The following LRP1B variants were observed in gnomAD, a reference collection of about 807,000 sequenced individuals.
LRP1B encodes the protein low-density lipoprotein receptor-related protein 1B.
In LRP1B, 217 loss-of-function variants were observed where a neutral mutation model predicts 556.6. The ratio of observed to expected loss-of-function variants is 0.39; its 90% CI spans 0.35 to 0.44. The LOEUF is 0.44. LRP1B is among the 20% of genes least tolerant of loss of function. The pLI is 1.00. For missense variants in LRP1B, 5,053 were observed against 5,620.8 expected, an observed-to-expected ratio of 0.90 and a Z score of 3.23; for synonymous variants, 2,047 against 1,865.8, an observed-to-expected ratio of 1.10 and a Z score of -2.50.
intron 31 of LRP1B, among the ~76,000 whole-genome samples, chr2:140,818,936 C>CAAAAA (rs543167243): frequency 5.8e-5 from 6 of 102,934 alleles, no homozygotes; most frequent in African/African-American, 2.6e-4. Flanking sequence ...GACTCTGTCT[C>CAAAAA]AAAAAAAAAA....
Position 140,475,144 on chromosome 2 carries a change from G to A in LRP1B, c.9619C>T (p.His3207Tyr), listed in dbSNP as rs1318314195. Reference protein sequence around the residue: ...EFSNMDGSHRHKVPNQDIPGV... With the variant: ...EFSNMDGSHRYKVPNQDIPGV... ...TTTATGTTACTGGACCAACCTTTGT[G>A]TCTATGAGATCCATCCATGTTGCTA... Residue 3207 changes from histidine to tyrosine, a missense_variant, in exon 60 of 91, where the codon CAC (histidine) becomes TAC (tyrosine). Physicochemically the swap from His to Tyr is moderately conservative, Grantham distance 83. This residue lies in a region of LRP1B where 262 missense variants were observed against 395.1 expected (regional missense o/e 0.66). Coordinates refer to ENST00000389484, the MANE Select transcript of LRP1B (RefSeq NM_018557.3). 1 of 1,566,926 alleles carries A rather than the reference G, an allele frequency of 6.4e-7. No homozygotes were observed. Among genetic ancestry groups the A allele is most frequent in the African/African-American group, 1.4e-5 (1 of 73,714 alleles).
At chr2:142,035,797 C>T (rs1233911779) in intron 1 of LRP1B, among the ~76,000 whole-genome samples, 1 of 151,692 alleles carries the variant, frequency 6.6e-6, no homozygotes, top group Non-Finnish European at 1.5e-5. Flanking sequence ...GCTGTGTCCT[C>T]ACCGAAATCT....
intron 66 of LRP1B, among the ~76,000 whole-genome samples, chr2:140,431,734 CTG>C (rs540601053): frequency 1.1e-4 from 16 of 152,276 alleles, no homozygotes; most frequent in African/African-American, 3.9e-4. Context: ...TCATTCAAAA[CTG>C]TATCCAGGCC....
In LRP1B at chr2:140,252,062, CAAAAAAAAAAAAA is replaced by C; in HGVS notation, c.13248-4913_13248-4901del. Among the ~76,000 whole-genome samples, 38 of 18,562 alleles carry C rather than the reference CAAAAAAAAAAAAA, an allele frequency of 2.0e-3. 2 individuals are homozygous for C. The highest frequency in any genetic ancestry group is 0.017 in the East Asian group (3 of 180). 12.2% of individuals were successfully genotyped at this position (18,562 alleles called of 152,430 possible). ...TTGCAGATAGTAGCATGACAAGATGCAAAAAAAAAAAAAAAAAAAAAAAAAAACCCAAAAAACA... is the reference window on the plus strand; with the variant it reads ...TTGCAGATAGTAGCATGACAAGATGCAAAAAAAAAAAAAACCCAAAAAACA... On this transcript the variant is annotated intron_variant, in intron 86 of 90. Transcript: ENST00000389484.
intron 86 of LRP1B, among the ~76,000 whole-genome samples, chr2:140,247,688 A>C (rs1681228074): frequency 6.6e-6 from 1 of 151,654 alleles, no homozygotes; most frequent in Non-Finnish European, 1.5e-5. Context: ...TTTAAATCAT[A>C]CTTCTATTAC....
At chr2:141,524,445 A>C (rs1684627291) in intron 2 of LRP1B, among the ~76,000 whole-genome samples, 1 of 152,074 alleles carries the variant, frequency 6.6e-6, no homozygotes, top group Non-Finnish European at 1.5e-5. Context: ...TGTTGGGTCT[A>C]TCTAGGTCAA....
chr2:140,404,299 C>T (rs769441265), intron 66 of LRP1B, among the ~76,000 whole-genome samples: 13 of 151,188 alleles, frequency 8.6e-5, no homozygotes, highest in African/African-American at 1.5e-4. Flanking sequence ...CTCAGCCTCC[C>T]GAGTAGCTGA....
At chr2:141,951,580 G>A (rs1418099309) in intron 1 of LRP1B, among the ~76,000 whole-genome samples, 2 of 152,044 alleles carry the variant, frequency 1.3e-5, no homozygotes, top group African/African-American at 4.8e-5. Flanking sequence ...TAATATATAA[G>A]AACTAAGGAT....
intron 6 of LRP1B, among the ~76,000 whole-genome samples, chr2:141,197,011 A>G (rs1356600): frequency 0.82 from 123,926 of 152,046 alleles, 50,918 homozygotes; most frequent in Middle Eastern, 0.88. Flanking sequence ...CCCTGCACAA[A>G]CCTCTTGCCT....
intron 12 of LRP1B, among the ~76,000 whole-genome samples, chr2:141,017,413 CAT>C (rs1205264902): frequency 2.0e-5 from 2 of 99,444 alleles, no homozygotes; most frequent in Non-Finnish European, 4.7e-5. Flanking sequence ...ATCATGGCAA[CAT>C]GTTTTTTTTT....
At chr2:140,615,107 A>G (rs547401987) in intron 41 of LRP1B, among the ~76,000 whole-genome samples, 1 of 152,232 alleles carries the variant, frequency 6.6e-6, no homozygotes, top group Admixed American at 6.5e-5. Context: ...GGCCTCCCCA[A>G]ATGCTCCTAG....
At chr2:141,301,224 T>C (rs1686385391) in intron 3 of LRP1B, among the ~76,000 whole-genome samples, 3 of 152,160 alleles carry the variant, frequency 2.0e-5, no homozygotes, top group African/African-American at 7.2e-5. Flanking sequence ...CTAACATTAC[T>C]CCATGTGTGT....
intron 6 of LRP1B, among the ~76,000 whole-genome samples, chr2:141,199,029 C>A (rs1029659467): frequency 6.6e-6 from 1 of 152,134 alleles, no homozygotes; most frequent in Non-Finnish European, 1.5e-5. Context: ...TCTAGACCCA[C>A]TGTAAAGTTC....
At chr2:140,299,758 A>G (rs938736829) in intron 83 of LRP1B, among the ~76,000 whole-genome samples, 2 of 152,136 alleles carry the variant, frequency 1.3e-5, no homozygotes, top group African/African-American at 2.4e-5. Context: ...TAATTCTTCA[A>G]TTACAGTCAA....
At chr2:141,930,423 G>A (rs903642622) in intron 1 of LRP1B, among the ~76,000 whole-genome samples, 2 of 151,996 alleles carry the variant, frequency 1.3e-5, no homozygotes, top group Non-Finnish European at 2.9e-5. Context: ...ATTATTAGAT[G>A]AGACTCTGCC....
chr2:141,334,897 CTGAGTAAGGCTACT>C (rs1355367093), intron 3 of LRP1B, among the ~76,000 whole-genome samples: 6 of 152,114 alleles, frequency 3.9e-5, no homozygotes, highest in Non-Finnish European at 7.4e-5. Flanking sequence ...ATCAAGCTTA[CTGAGTAAGGCTACT>C]TGTTAAAGAG....
At chr2:141,169,287 AAAATAAATAAAT>A (rs201628193) in intron 7 of LRP1B, among the ~76,000 whole-genome samples, 4,901 of 137,812 alleles carry the variant, frequency 0.036, 112 homozygotes, top group Admixed American at 0.05. Flanking sequence ...CTCTGTCTCA[AAAATAAATAAAT>A]AAATAAATAA....
intron 1 of LRP1B, among the ~76,000 whole-genome samples, chr2:141,963,024 C>A (rs1701445990): frequency 6.6e-6 from 1 of 151,690 alleles, no homozygotes; most frequent in Admixed American, 6.6e-5. Flanking sequence ...ATTTTTTATT[C>A]ATTAGAAATG....
intron 80 of LRP1B, 43 bp downstream of exon 80, chr2:140,325,719 T>TA: frequency 7.7e-7 from 1 of 1,296,566 alleles, no homozygotes; most frequent in South Asian, 1.3e-5. Flanking sequence ...TATTTAACAC[T>TA]CTCAGTAACA....
Sources: allele counts gnomAD v4.1 joint callset (sites outside exome capture counted in the v4.1 genomes callset), GRCh38; gene constraint gnomAD v4.1.1; regional missense constraint gnomAD v4.1.1; transcripts MANE v1.5; gene names NCBI Gene and HGNC (gene_info 2026-07-23, HGNC 2026-07-21).